The following TRIO variants were observed in gnomAD, a reference collection of about 807,000 sequenced individuals.
TRIO encodes the protein trio Rho guanine nucleotide exchange factor.
TRIO carries 58 observed loss-of-function variants against 351.9 expected under a neutral mutation model. The observed-to-expected ratio is 0.16, with a 90% CI of 0.13 to 0.21. The LOEUF is 0.21. TRIO is among the 10% of genes least tolerant of loss of function. The pLI, the probability that TRIO is intolerant of heterozygous loss-of-function variation, is 1.00. For missense variants in TRIO, 3,201 were observed against 4,027.8 expected (o/e 0.79, Z 5.56); for synonymous variants, 1,758 against 1,595.7 (o/e 1.10, Z -2.42).
At chr5:14,395,214 A>G (rs1274359566) in intron 28 of TRIO, among the ~76,000 whole-genome samples, 1 of 152,238 alleles carries the variant, frequency 6.6e-6, no homozygotes, top group African/African-American at 2.4e-5. Flanking sequence ...TTTCAATTGG[A>G]AAAGCTCTCC....
intron 36 of TRIO, among the ~76,000 whole-genome samples, chr5:14,463,472 C>G (rs1753984093): frequency 6.6e-6 from 1 of 152,190 alleles, no homozygotes; most frequent in South Asian, 2.1e-4. Flanking sequence ...CTCTTTGGGT[C>G]TACGCAGGAG....
At chr5:14,463,823 G>A (rs976626488) in intron 36 of TRIO, among the ~76,000 whole-genome samples, 11 of 152,084 alleles carry the variant, frequency 7.2e-5, no homozygotes, top group African/African-American at 2.4e-4. Context: ...TCTATTTTAC[G>A]ACATGGGATT....
intron 11 of TRIO, among the ~76,000 whole-genome samples, chr5:14,346,710 G>A (rs1340112447): frequency 6.6e-6 from 1 of 152,216 alleles, no homozygotes; most frequent in Admixed American, 6.5e-5. Flanking sequence ...TGGAATTAGT[G>A]GGCAGGCATT....
At chr5:14,466,419 G>T (rs1197813914) in intron 37 of TRIO, 1 of 152,162 alleles carries the variant, frequency 6.6e-6, no homozygotes, top group African/African-American at 2.4e-5. Context: ...TGATCTCTTT[G>T]TTGCCAGTTG....
intron 1 of TRIO, among the ~76,000 whole-genome samples, chr5:14,190,510 G>C (rs1461422195): frequency 6.6e-6 from 1 of 152,050 alleles, no homozygotes; most frequent in Non-Finnish European, 1.5e-5. Flanking sequence ...AGTCTGAGGA[G>C]AGTGCAGAAA....
intron 30 of TRIO, chr5:14,399,406 G>C (rs2152374196): frequency 2.8e-6 from 1 of 355,864 alleles, no homozygotes; most frequent in Non-Finnish European, 5.0e-6. Flanking sequence ...CTATGACTAA[G>C]TTCTTATTAT....
intron 53 of TRIO, 96 bp from the exon 54 acceptor site, chr5:14,502,483 C>T (rs1757365507): frequency 7.2e-6 from 9 of 1,255,028 alleles, no homozygotes; most frequent in African/African-American, 2.9e-5. Context: ...CCGGTGGCCA[C>T]GCGCAGCTGC....
chr5:14,299,143 G>C (rs564327919), intron 7 of TRIO, among the ~76,000 whole-genome samples: 2 of 152,264 alleles, frequency 1.3e-5, no homozygotes, highest in African/African-American at 2.4e-5. Context: ...GTGTCATGGG[G>C]CATTTTCCTT....
At chr5:14,456,494 GT>G (rs1353360527) in intron 34 of TRIO, among the ~76,000 whole-genome samples, 1 of 152,248 alleles carries the variant, frequency 6.6e-6, no homozygotes, top group African/African-American at 2.4e-5. Flanking sequence ...CTTGTTATGG[GT>G]TTGAGCCATC....
At chr5:14,507,323 C>CAG in intron 56 of TRIO, 63 bp downstream of exon 56, 2 of 1,590,270 alleles carry the variant, frequency 1.3e-6, no homozygotes, top group South Asian at 2.3e-5. Flanking sequence ...ATGCGGGACA[C>CAG]AGAGCCCCCT....
At chr5:14,441,730 A>C (rs1752066972) in intron 34 of TRIO, among the ~76,000 whole-genome samples, 1 of 152,174 alleles carries the variant, frequency 6.6e-6, no homozygotes, top group Admixed American at 6.5e-5. Flanking sequence ...TGTCTGTTTC[A>C]GGTTTAATTT....
chr5:14,227,447 G>A (rs1793120560), intron 1 of TRIO, among the ~76,000 whole-genome samples: 1 of 152,160 alleles, frequency 6.6e-6, no homozygotes, highest in African/African-American at 2.4e-5. Flanking sequence ...CCTCATTTGT[G>A]GTTGTCATAC....
At chr5:14,384,174 C>T in intron 21 of TRIO, among the ~76,000 whole-genome samples, 1 of 152,208 alleles carries the variant, frequency 6.6e-6, no homozygotes, top group Non-Finnish European at 1.5e-5. Context: ...AGCATTTGAA[C>T]AGCTCACCAC....
chr5:14,364,972 C>G (rs1744470286), intron 15 of TRIO, among the ~76,000 whole-genome samples, 156 bp downstream of exon 15: 1 of 152,126 alleles, frequency 6.6e-6, no homozygotes, highest in African/African-American at 2.4e-5. Flanking sequence ...TACACACACC[C>G]CCGCCCCCCG....
chr5:14,509,536 T>C lies in TRIO; in HGVS notation c.*1114T>C, dbSNP rs1236022996. ...GATAATAGGGTAATGTTTTAAAATT[T>C]ATTATGCTATTATTCAGAATGCCAA... On this transcript the variant is annotated 3_prime_UTR_variant, in exon 57 of 57. Coordinates refer to ENST00000344204, the MANE Select transcript of TRIO (RefSeq NM_007118.4). 3 of 375,972 alleles carry C rather than the reference T, an allele frequency of 8.0e-6. No individual in the cohort carries two copies. Among genetic ancestry groups the C allele is most frequent in the Non-Finnish European group, 1.6e-5 (3 of 192,850 alleles). The allele number at this position is 375,972 out of a possible 1,614,324, so 23.3% of individuals were successfully genotyped here. A position where few individuals can be genotyped will look rare whatever the true frequency, so the allele number is the denominator to read the frequency against.
intron 10 of TRIO, among the ~76,000 whole-genome samples, chr5:14,332,141 G>A (rs1044195904): frequency 2.6e-5 from 4 of 152,136 alleles, no homozygotes; most frequent in African/African-American, 7.2e-5. Context: ...TACCTGCTCT[G>A]TGAATTCTTA....
chr5:14,463,830 G>A (rs1023311104), intron 36 of TRIO, among the ~76,000 whole-genome samples: 2 of 152,118 alleles, frequency 1.3e-5, no homozygotes, highest in African/African-American at 4.8e-5. Flanking sequence ...TACGACATGG[G>A]ATTGGCCTCA....
intron 18 of TRIO, among the ~76,000 whole-genome samples, chr5:14,372,904 A>C (rs1745241699): frequency 6.6e-6 from 1 of 152,212 alleles, no homozygotes; most frequent in South Asian, 2.1e-4. Flanking sequence ...GAAATACCTG[A>C]GAATGGGTAA....
intron 34 of TRIO, among the ~76,000 whole-genome samples, chr5:14,445,820 A>T (rs1282261325): frequency 6.6e-6 from 1 of 152,212 alleles, no homozygotes; most frequent in Non-Finnish European, 1.5e-5. Context: ...ACTCTTCCAT[A>T]ATAAAAAGGG....
Sources: gnomAD v4.1 joint callset for allele counts (sites outside exome capture counted in the v4.1 genomes callset) on GRCh38, gnomAD v4.1.1 for gene constraint, MANE v1.5 for transcripts, NCBI Gene and HGNC (gene_info 2026-07-23, HGNC 2026-07-21) for gene names.